FNIP2: variants seen among roughly 807,000 people sequenced by gnomAD.
FNIP2 encodes folliculin interacting protein 2, also known as folliculin-interacting protein 2.
A neutral mutation model predicts 108.7 loss-of-function variants in FNIP2; 32 were observed. The ratio of observed to expected loss-of-function variants is 0.29; its 90% CI spans 0.22 to 0.40. The LOEUF (loss-of-function observed/expected upper bound fraction) is 0.40. FNIP2 is among the 10% of genes least tolerant of loss of function. FNIP2 has a pLI of 1.00. For missense variants in FNIP2, 1,202 were observed against 1,381.6 expected (o/e 0.87, Z 2.06); for synonymous variants, 480 against 496.7 (o/e 0.97, Z 0.45).
At chr4:158,845,761 A>G (rs548828338) in intron 7 of FNIP2, among the ~76,000 whole-genome samples, 5 of 152,366 alleles carry the variant, frequency 3.3e-5, no homozygotes, top group African/African-American at 1.2e-4. Flanking sequence ...CTTGCATTTG[A>G]AAGTTGTACT....
At chr4:158,881,783 C>T (rs376953063) in intron 14 of FNIP2, among the ~76,000 whole-genome samples, 13,565 of 152,168 alleles carry the variant, frequency 0.089, 766 homozygotes, top group Non-Finnish European at 0.14. Context: ...AGTGCAGTGG[C>T]GTGATCTCGG....
chr4:158,870,774 C>T (rs140516000), intron 14 of FNIP2, among the ~76,000 whole-genome samples: 1 of 152,364 alleles, frequency 6.6e-6, no homozygotes, highest in Non-Finnish European at 1.5e-5. Flanking sequence ...GACTTCCTGC[C>T]ATCCCTCCTC....
intron 1 of FNIP2, among the ~76,000 whole-genome samples, chr4:158,802,623 TTACC>T (rs1776800410): frequency 6.6e-6 from 1 of 152,232 alleles, no homozygotes; most frequent in Non-Finnish European, 1.5e-5. Context: ...GCATGAATAC[TTACC>T]TAGAAACTTT....
chr4:158,796,735 T>G (rs929409761), intron 1 of FNIP2, among the ~76,000 whole-genome samples: 4 of 152,232 alleles, frequency 2.6e-5, no homozygotes, highest in African/African-American at 9.6e-5. Context: ...TGCTCACATT[T>G]AACATCTCCA....
chr4:158,861,380 C>G lies in FNIP2; in HGVS notation c.1187C>G (p.Ala396Gly), dbSNP rs190875167. The G allele has an allele frequency of 3.7e-5, 59 of 1,614,002 alleles. No homozygotes were observed. The East Asian group carries it at 1.0e-3, about 29-fold the overall frequency. Reference sequence around the variant, plus strand: ...AACTTATATTCTGTTCCAAGGATAGCTGAACCTGTATGGCTTACTATGATG... The same window carrying G: ...AACTTATATTCTGTTCCAAGGATAGGTGAACCTGTATGGCTTACTATGATG... The part of the protein sequence containing the change: ...IWNLYSVPRI[A>G]EPVWLTMMSG... Residue 396 changes from alanine to glycine, a missense_variant, in exon 11 of 17, where the codon GCT becomes GGT. Coordinates refer to ENST00000264433, the MANE Select transcript of FNIP2 (RefSeq NM_020840.3).
chr4:158,879,221 A>G (rs1006291444), intron 14 of FNIP2, among the ~76,000 whole-genome samples: 1 of 150,710 alleles, frequency 6.6e-6, no homozygotes, highest in Non-Finnish European at 1.5e-5. Flanking sequence ...ACAACTGGAC[A>G]TCAAAGATAA....
chr4:158,878,737 A>C (rs1159385034), intron 14 of FNIP2, among the ~76,000 whole-genome samples: 1 of 152,158 alleles, frequency 6.6e-6, no homozygotes, highest in African/African-American at 2.4e-5. Context: ...CAGGAGAATC[A>C]GCACTCCTCC....
intron 14 of FNIP2, among the ~76,000 whole-genome samples, chr4:158,874,984 G>A (rs1414682770): frequency 6.6e-6 from 1 of 151,686 alleles, no homozygotes; most frequent in African/African-American, 2.4e-5. Context: ...CTACTTGGGA[G>A]GCTGAGGCAG....
chr4:158,812,550 T>C (rs560998078), intron 1 of FNIP2, among the ~76,000 whole-genome samples: 2 of 152,324 alleles, frequency 1.3e-5, no homozygotes, highest in South Asian at 4.1e-4. Flanking sequence ...AAAGTTTCTA[T>C]ATCTTAAAAG....
At chr4:158,799,790 A>G (rs769406710) in intron 1 of FNIP2, among the ~76,000 whole-genome samples, 1 of 152,228 alleles carries the variant, frequency 6.6e-6, no homozygotes, top group African/African-American at 2.4e-5. Flanking sequence ...AGGGGAATTA[A>G]TGATTATATG....
At position 158,868,717 on chromosome 4, in the gene FNIP2, T is replaced by G. The variant is rs749022478; in HGVS notation, c.2081T>G (p.Leu694Arg). The change falls in exon 13 of 17, where the codon CTG becomes CGG. Residue 694 changes from leucine to arginine, a missense_variant. By Grantham distance (102) the Leu-to-Arg change is moderately radical. This residue lies in a region of FNIP2 where 878 missense variants were observed against 990.3 expected (regional missense o/e 0.89). Transcript: ENST00000264433. The surrounding 1 kb of genome is among the most constrained non-coding windows in gnomAD (Gnocchi z 4.6). ...ELLKVEMPTR[L>R]PDRSVAWPCP... is the part of the protein sequence containing the mutation. ...TTGAAAGTGGAGATGCCTACAAGAC[T>G]GCCAGACCGGTCAGTGGCCTGGCCT... 1 of 1,614,012 alleles carries G rather than the reference T, an allele frequency of 6.2e-7. No homozygotes were observed. Among genetic ancestry groups the G allele is most frequent in the Non-Finnish European group, 8.5e-7 (1 of 1,179,892 alleles).
chr4:158,901,128 A>ATTTTTTTTTTTT (rs140017298), intron 16 of FNIP2, among the ~76,000 whole-genome samples: 2 of 112,304 alleles, frequency 1.8e-5, no homozygotes, highest in Non-Finnish European at 3.5e-5. Context: ...CTGGGTTGAA[A>ATTTTTTTTTTTT]TTTTTTTTTT....
intron 15 of FNIP2, among the ~76,000 whole-genome samples, chr4:158,892,141 C>CTTTTTTT (rs34895070): frequency 2.6e-5 from 3 of 113,508 alleles, no homozygotes; most frequent in Non-Finnish European, 3.7e-5. Context: ...TCAATTGTTG[C>CTTTTTTT]TTTTTTTTTT....
chr4:158,882,499 A>G (rs1781732097), intron 14 of FNIP2, among the ~76,000 whole-genome samples: 2 of 152,228 alleles, frequency 1.3e-5, no homozygotes, highest in African/African-American at 2.4e-5. Flanking sequence ...TGGGAGGTGT[A>G]CCCAACAGCT....
intron 6 of FNIP2, chr4:158,833,972 G>T: frequency 1.1e-6 from 1 of 921,668 alleles, no homozygotes; most frequent in South Asian, 1.8e-5. Context: ...TCCTACTTGT[G>T]CCTCTCTAGA....
At chr4:158,894,745 G>A (rs1019894207) in intron 15 of FNIP2, among the ~76,000 whole-genome samples, 1 of 151,988 alleles carries the variant, frequency 6.6e-6, no homozygotes, top group Non-Finnish European at 1.5e-5. Flanking sequence ...ATGAGAATTG[G>A]TGAAATCCTC....
At position 158,904,599 on chromosome 4, in the gene FNIP2, A is replaced by G; in HGVS notation, c.*55A>G. On this transcript the variant is annotated 3_prime_UTR_variant, in exon 17 of 17. Transcript: ENST00000264433. ...AGAAAAAAATCAAATTCTCAACTGA[A>G]GGAGAAAGGAATAAGCTCTCTGTGA... 1.4e-6 allele frequency: 2 copies of G among 1,430,590 alleles called. No individual in the cohort carries two copies. The highest frequency in any genetic ancestry group is 1.1e-5 in the South Asian group (1 of 87,064). 88.6% of individuals were successfully genotyped at this position (1,430,590 alleles called of 1,614,324 possible).
At chr4:158,885,528 G>C (rs1781981125) in intron 14 of FNIP2, among the ~76,000 whole-genome samples, 1 of 152,228 alleles carries the variant, frequency 6.6e-6, no homozygotes, top group African/African-American at 2.4e-5. Context: ...GTTGTCCACA[G>C]TTGCACTATT....
At chr4:158,803,575 TTGAAGTCA>T (rs1270139984) in intron 1 of FNIP2, among the ~76,000 whole-genome samples, 1 of 152,214 alleles carries the variant, frequency 6.6e-6, no homozygotes, top group Non-Finnish European at 1.5e-5. Context: ...ATAAGGAAAT[TTGAAGTCA>T]TGTAGAGACA....
Sources: gnomAD v4.1 joint callset for allele counts (sites outside exome capture counted in the v4.1 genomes callset) on GRCh38, gnomAD v4.1.1 for gene constraint, gnomAD v4.1.1 regional missense constraint, Gnocchi (gnomAD v3.1) non-coding constraint, MANE v1.5 for transcripts, NCBI Gene and HGNC (gene_info 2026-07-23, HGNC 2026-07-21) for gene names.